Variants in ZNF536 observed in about 807,000 individuals in gnomAD.
ZNF536 encodes the protein zinc finger protein 536.
Under a neutral mutation model 84.5 loss-of-function variants are expected in ZNF536, and 13 were observed. That is an observed-to-expected ratio of 0.15 (90% CI 0.10 to 0.24). ZNF536 has a LOEUF of 0.24. Ranked by LOEUF, ZNF536 falls within the 10% of genes least tolerant of loss-of-function variation. The pLI is 1.00. For synonymous variants in ZNF536, 811 were observed against 742.5 expected (o/e 1.09, Z -1.50); for missense variants, 1,536 against 1,747.5 (o/e 0.88, Z 2.16).
intron 2 of ZNF536, among the ~76,000 whole-genome samples, chr19:30,345,865 G>A (rs2047725302): frequency 6.6e-6 from 1 of 152,208 alleles, no homozygotes; most frequent in African/African-American, 2.4e-5. Flanking sequence ...TGGCAGAGCT[G>A]GAGGCAGAAG....
intron 1 of ZNF536, among the ~76,000 whole-genome samples, chr19:30,685,468 A>T (rs1316566118): frequency 6.6e-6 from 1 of 152,142 alleles, no homozygotes; most frequent in Admixed American, 6.5e-5. Context: ...AAACTCTGGT[A>T]TCCCCATCCA....
chr19:30,678,302 C>T (rs2147795302), intron 1 of ZNF536, among the ~76,000 whole-genome samples: 1 of 152,240 alleles, frequency 6.6e-6, no homozygotes, highest in African/African-American at 2.4e-5. Flanking sequence ...AGGGGGATTG[C>T]TCAGGGTCCT....
At chr19:30,627,412 A>G (rs1568616091) in intron 1 of ZNF536, among the ~76,000 whole-genome samples, 1 of 133,608 alleles carries the variant, frequency 7.5e-6, no homozygotes, top group Non-Finnish European at 1.5e-5. Flanking sequence ...TTGAGGCTGC[A>G]GTGAGCCATG....
intron 1 of ZNF536, among the ~76,000 whole-genome samples, chr19:30,378,360 C>T (rs2048894056): frequency 6.6e-6 from 1 of 152,172 alleles, no homozygotes; most frequent in African/African-American, 2.4e-5. Flanking sequence ...AGGGTTTTGC[C>T]ATGTTGGCTA....
chr19:30,240,380 A>AT, intron 1 of ZNF536, among the ~76,000 whole-genome samples: 1 of 151,738 alleles, frequency 6.6e-6, no homozygotes, highest in East Asian at 1.9e-4. Context: ...CTCAGAAAAA[A>AT]AAAAAATCCA....
intron 2 of ZNF536, among the ~76,000 whole-genome samples, chr19:30,328,768 G>C (rs990072958): frequency 2.0e-5 from 3 of 152,238 alleles, no homozygotes; most frequent in Non-Finnish European, 4.4e-5. Context: ...GTTCCTTTTG[G>C]ATTTTCCTGC....
chr19:30,649,034 G>A (rs1040418771), intron 1 of ZNF536, among the ~76,000 whole-genome samples: 1 of 152,144 alleles, frequency 6.6e-6, no homozygotes, highest in African/African-American at 2.4e-5. Flanking sequence ...GGGTAGGACG[G>A]CTGGGGTCCT....
chr19:30,326,807 T>TG (rs2047049905), intron 2 of ZNF536, among the ~76,000 whole-genome samples: 7 of 134,274 alleles, frequency 5.2e-5, no homozygotes, highest in African/African-American at 2.0e-4. Flanking sequence ...TTTTTTTTTT[T>TG]TTTTTTTTTT....
At chr19:30,326,303 GC>G (rs2047021472) in intron 2 of ZNF536, among the ~76,000 whole-genome samples, 1 of 152,196 alleles carries the variant, frequency 6.6e-6, no homozygotes, top group African/African-American at 2.4e-5. Flanking sequence ...TTGGGAGTCT[GC>G]CCCACGGGGC....
At chr19:30,403,103 C>A (rs1255168500) in intron 1 of ZNF536, among the ~76,000 whole-genome samples, 1 of 152,190 alleles carries the variant, frequency 6.6e-6, no homozygotes, top group South Asian at 2.1e-4. Context: ...AACACCGCTG[C>A]TGACGAGCTG....
chr19:30,422,414 C>T (rs2051000424), intron 1 of ZNF536, among the ~76,000 whole-genome samples: 1 of 152,084 alleles, frequency 6.6e-6, no homozygotes, highest in Non-Finnish European at 1.5e-5. Context: ...CCCTACTGCC[C>T]AAGAAAAAGG....
At chr19:30,244,304 C>A (rs1234326717) in intron 1 of ZNF536, among the ~76,000 whole-genome samples, 1 of 152,082 alleles carries the variant, frequency 6.6e-6, no homozygotes, top group Non-Finnish European at 1.5e-5. Flanking sequence ...ATCCACCCCC[C>A]CACCCCTCAG....
At chr19:30,300,517 T>C (rs972043627) in intron 2 of ZNF536, 8 of 152,006 alleles carry the variant, frequency 5.3e-5, no homozygotes, top group Admixed American at 3.3e-4. Flanking sequence ...AATTGCCCAG[T>C]GGGTTGAGGG....
chr19:30,543,850 TG>T (rs1453820448), intron 3 of ZNF536, among the ~76,000 whole-genome samples: 1 of 151,990 alleles, frequency 6.6e-6, no homozygotes, highest in African/African-American at 2.4e-5. Context: ...ATGTTTCCAG[TG>T]GAGCACAAGA....
At chr19:30,263,437 G>A (rs928937977) in intron 1 of ZNF536, among the ~76,000 whole-genome samples, 2 of 152,118 alleles carry the variant, frequency 1.3e-5, no homozygotes, top group African/African-American at 2.4e-5. Context: ...CCCCCGACCA[G>A]CTCCTTTTAT....
intron 1 of ZNF536, among the ~76,000 whole-genome samples, chr19:30,267,146 A>T (rs1428601829): frequency 6.6e-6 from 1 of 152,258 alleles, no homozygotes; most frequent in Admixed American, 6.5e-5. Context: ...TATTTTTGTG[A>T]AAATTTTGAC....
At chr19:30,706,381 G>A (rs2052228498) in intron 1 of ZNF536, among the ~76,000 whole-genome samples, 1 of 151,974 alleles carries the variant, frequency 6.6e-6, no homozygotes, top group Non-Finnish European at 1.5e-5. Context: ...CAGCTACTCA[G>A]GAGGCTGAGG....
At chr19:30,408,639 C>T (rs767569676) in intron 1 of ZNF536, among the ~76,000 whole-genome samples, 11 of 152,146 alleles carry the variant, frequency 7.2e-5, no homozygotes, top group Non-Finnish European at 1.6e-4. Context: ...GTGGTCACAT[C>T]GCAGTTGCAA....
At chr19:30,266,721 C>A (rs1466086409) in intron 1 of ZNF536, among the ~76,000 whole-genome samples, 1 of 152,086 alleles carries the variant, frequency 6.6e-6, no homozygotes, top group Non-Finnish European at 1.5e-5. Context: ...CATAATACTC[C>A]CAACTGTGCC....
Sources: gnomAD v4.1 joint callset for allele counts (sites outside exome capture counted in the v4.1 genomes callset) on GRCh38, gnomAD v4.1.1 for gene constraint, MANE v1.5 for transcripts, NCBI Gene and HGNC (gene_info 2026-07-23, HGNC 2026-07-21) for gene names.